The following RAMP3 variants were observed in gnomAD, a reference collection of about 807,000 sequenced individuals.
RAMP3 encodes the protein receptor activity-modifying protein 3.
Under a neutral mutation model 13.5 loss-of-function variants are expected in RAMP3, and 14 were observed. The ratio of observed to expected loss-of-function variants is 1.04; its 90% CI spans 0.69 to 1.63. The LOEUF (loss-of-function observed/expected upper bound fraction) is 1.63, where lower values mean the gene tolerates loss of function less well. Ranked by LOEUF, RAMP3 falls within the 40% of genes most tolerant of loss-of-function variation. The pLI is 0.00. For missense variants in RAMP3, 200 were observed against 204.8 expected, an observed-to-expected ratio of 0.98 and a Z score of 0.14; for synonymous variants, 106 against 88.3, an observed-to-expected ratio of 1.20 and a Z score of -1.12.
intron 1 of RAMP3, among the ~76,000 whole-genome samples, chr7:45,177,081 G>C (rs1652136471): frequency 6.6e-6 from 1 of 152,240 alleles, no homozygotes; most frequent in African/African-American, 2.4e-5. Context: ...AGGCGGTGAA[G>C]TGAAAAGGTG....
chr7:45,161,310 A>T (rs377493281), intron 1 of RAMP3, among the ~76,000 whole-genome samples: 1 of 151,432 alleles, frequency 6.6e-6, no homozygotes, highest in African/African-American at 2.4e-5. Flanking sequence ...ATGCCCTGGC[A>T]CTGGGGGTGG....
chr7:45,175,147 C>T (rs1388283059), intron 1 of RAMP3, among the ~76,000 whole-genome samples: 2 of 152,202 alleles, frequency 1.3e-5, no homozygotes, highest in Non-Finnish European at 2.9e-5. Flanking sequence ...TCCAGGCCTG[C>T]AGCTGTGCTG....
In RAMP3 at chr7:45,183,419, C is replaced by T. The variant is rs11982639; in HGVS notation, c.*7C>T. The stretch of plus-strand genomic sequence containing the variant: ...CACCGACACGCTGCTGTGAGGGTCC[C>T]GGTGAGATGGAGTGGGTCACACCTG... On this transcript the variant is annotated 3_prime_UTR_variant, in exon 3 of 3. Transcript: ENST00000242249. 50 of 1,610,294 alleles carry T rather than the reference C, an allele frequency of 3.1e-5. No homozygotes were observed. The highest frequency in any genetic ancestry group is 1.7e-4 in the Middle Eastern group (1 of 6,058).
chr7:45,177,589 C>T, intron 2 of RAMP3, 148 bp downstream of exon 2: 1 of 1,223,398 alleles, frequency 8.2e-7, no homozygotes, highest in South Asian at 1.4e-5. Flanking sequence ...ACAGCCCTTT[C>T]ATGTGCTGCC....
intron 1 of RAMP3, among the ~76,000 whole-genome samples, chr7:45,176,939 G>C (rs899819348): frequency 4.6e-5 from 7 of 152,326 alleles, no homozygotes; most frequent in Admixed American, 3.9e-4. Context: ...GATGTTCCCA[G>C]GCCCCTGGGA....
At chr7:45,166,958 C>CTTTTTTTTTTTTTT (rs202162694) in intron 1 of RAMP3, among the ~76,000 whole-genome samples, 8 of 101,242 alleles carry the variant, frequency 7.9e-5, no homozygotes, top group Middle Eastern at 6.8e-3. Flanking sequence ...GTCTTTGATG[C>CTTTTTTTTTTTTTT]TTTTTTTTTT....
intron 1 of RAMP3, among the ~76,000 whole-genome samples, chr7:45,160,773 C>T (rs1448591666): frequency 1.3e-5 from 2 of 152,228 alleles, no homozygotes; most frequent in Admixed American, 6.5e-5. Context: ...CTTTGTTTCC[C>T]AATGAAACCA....
At chr7:45,182,227 C>T (rs1296392396) in intron 2 of RAMP3, among the ~76,000 whole-genome samples, 1 of 152,186 alleles carries the variant, frequency 6.6e-6, no homozygotes, top group East Asian at 1.9e-4. Context: ...TGCATCTGTA[C>T]TCATGCAGCA....
intron 1 of RAMP3, among the ~76,000 whole-genome samples, chr7:45,169,961 A>G (rs1306472137): frequency 6.6e-6 from 1 of 152,142 alleles, no homozygotes; most frequent in African/African-American, 2.4e-5. Flanking sequence ...TGTCCATTTC[A>G]TTGACATTAT....
chr7:45,167,239 G>A (rs1785981303), intron 1 of RAMP3, among the ~76,000 whole-genome samples: 1 of 152,206 alleles, frequency 6.6e-6, no homozygotes. Context: ...TTACAGGCGT[G>A]AGCCACGGCG....
intron 2 of RAMP3, 83 bp downstream of exon 2, chr7:45,177,524 G>A (rs529518569): frequency 1.8e-4 from 278 of 1,580,080 alleles, no homozygotes; most frequent in African/African-American, 3.5e-4. Flanking sequence ...CAGCCTGACC[G>A]CACTCTACCC....
chr7:45,170,889 T>C (rs978517195), intron 1 of RAMP3, among the ~76,000 whole-genome samples: 4 of 151,974 alleles, frequency 2.6e-5, no homozygotes, highest in Non-Finnish European at 2.9e-5. Context: ...CAACAAGCCA[T>C]CCCACCTGGG....
At chr7:45,164,032 G>A (rs1380482613) in intron 1 of RAMP3, among the ~76,000 whole-genome samples, 1 of 152,178 alleles carries the variant, frequency 6.6e-6, no homozygotes, top group African/African-American at 2.4e-5. Context: ...CTGAAGACCT[G>A]TACATCCTGC....
intron 1 of RAMP3, among the ~76,000 whole-genome samples, chr7:45,175,904 G>T (rs959696244): frequency 3.3e-5 from 5 of 152,208 alleles, no homozygotes; most frequent in African/African-American, 9.7e-5. Flanking sequence ...TTCTGGTGGA[G>T]CAGGTCCCTG....
chr7:45,173,522 G>C (rs1468569891), intron 1 of RAMP3, among the ~76,000 whole-genome samples: 1 of 152,188 alleles, frequency 6.6e-6, no homozygotes, highest in Non-Finnish European at 1.5e-5. Context: ...GTGCCTGTGG[G>C]GACCAAGTGG....
intron 2 of RAMP3, 83 bp from the exon 3 acceptor site, chr7:45,183,074 C>G: frequency 6.4e-7 from 1 of 1,566,032 alleles, no homozygotes; most frequent in Non-Finnish European, 8.6e-7. Context: ...CCAAGCCACC[C>G]CACCCATCTT....
At chr7:45,158,197 T>C (rs555406092) in intron 1 of RAMP3, among the ~76,000 whole-genome samples, 30 of 152,314 alleles carry the variant, frequency 2.0e-4, no homozygotes, top group Admixed American at 1.9e-3. Context: ...TGGGGTCGCC[T>C]CAGGGTGGGC....
At chr7:45,161,889 T>C (rs1233087623) in intron 1 of RAMP3, among the ~76,000 whole-genome samples, 1 of 151,830 alleles carries the variant, frequency 6.6e-6, no homozygotes, top group East Asian at 2.0e-4. Flanking sequence ...CTCGTGCCCA[T>C]TGGGATGGTG....
chr7:45,178,223 A>G (rs1027070430), intron 2 of RAMP3, among the ~76,000 whole-genome samples: 7 of 152,100 alleles, frequency 4.6e-5, no homozygotes, highest in African/African-American at 1.7e-4. Context: ...TATCAGGTGT[A>G]ATTGTGGACA....
Sources: gnomAD v4.1 joint callset for allele counts (sites outside exome capture counted in the v4.1 genomes callset) on GRCh38, gnomAD v4.1.1 for gene constraint, MANE v1.5 for transcripts, NCBI Gene and HGNC (gene_info 2026-07-23, HGNC 2026-07-21) for gene names.